The following CNOT2 variants were observed in gnomAD, a reference collection of about 807,000 sequenced individuals.
The protein encoded by CNOT2 is CC chemokine receptor 4-negative regulator of transcription 2.
A neutral mutation model predicts 72.1 loss-of-function variants in CNOT2; 7 were observed. That is an observed-to-expected ratio of 0.10 (90% confidence interval 0.06 to 0.18). The LOEUF is 0.18. CNOT2 is among the 10% of genes least tolerant of loss of function. The probability of loss-of-function intolerance (pLI) is 1.00; values close to 1 mark genes in which losing one functional copy is unlikely to be tolerated. For synonymous variants in CNOT2, 196 were observed against 225.6 expected (o/e 0.87, Z 1.17); for missense variants, 345 against 660.3 (o/e 0.52, Z 5.23).
rs1050869264 is a variant in CNOT2 at position 70,311,003 on chromosome 12, C to T, written c.157C>T (p.Arg53Trp). The change falls in exon 3 of 16, where the codon CGG becomes TGG. Residue 53 changes from arginine (R) to tryptophan (W), a missense_variant. Coordinates refer to ENST00000229195, the MANE Select transcript of CNOT2 (RefSeq NM_014515.7). ...YYSQSSMFPH[R>W]SEKDMLASPS... Reference sequence around the variant, plus strand: ...CAGCCAGTCTTCTATGTTTCCACATCGGTCAGAAAAAGATGTAAGTTAATC... The same window carrying T: ...CAGCCAGTCTTCTATGTTTCCACATTGGTCAGAAAAAGATGTAAGTTAATC... 1 of 1,598,366 alleles carries T rather than the reference C, an allele frequency of 6.3e-7. No individual in the cohort carries two copies. The highest frequency in any genetic ancestry group is 8.6e-7 in the Non-Finnish European group (1 of 1,166,600).
intron 1 of CNOT2, among the ~76,000 whole-genome samples, chr12:70,268,648 A>G (rs1330122723): frequency 1.3e-5 from 2 of 150,334 alleles, no homozygotes; most frequent in African/African-American, 2.5e-5. Context: ...TTTGGTAGTG[A>G]TGGGGTCTCA....
rs369390647 is a variant in CNOT2 at position 70,342,348 on chromosome 12, A to T, written c.1290+41A>T. On this transcript the variant is annotated intron_variant, in intron 13 of 15. Transcript: ENST00000229195. ...TATTCTACTCAGTCAGCATGAATTT[A>T]TCTATTTTTCACATGTTTTTCAGTT... 7.2e-5 allele frequency: 116 copies of T among 1,604,884 alleles called. No individual in the cohort carries two copies. The African/African-American group carries it at 1.4e-3, about 19-fold the overall frequency.
At chr12:70,306,658 C>T (rs1437697420) in intron 2 of CNOT2, among the ~76,000 whole-genome samples, 1 of 152,070 alleles carries the variant, frequency 6.6e-6, no homozygotes, top group Non-Finnish European at 1.5e-5. Context: ...AAAAGGTGGT[C>T]ACTTAACAAA....
Position 70,335,454 on chromosome 12 carries a change from G to A in CNOT2, c.666G>A (p.Val222=), listed in dbSNP as rs1318690729. ...IFNGTDGSEN[V]TGLDLSDFPA... ...ATTATTTAGACGGAAGTGAAAATGTGACAGGATTGGACCTTTCAGATTTCC... is the reference window on the plus strand; with the variant it reads ...ATTATTTAGACGGAAGTGAAAATGTAACAGGATTGGACCTTTCAGATTTCC... Residue 222 remains valine, a synonymous_variant, in exon 8 of 16, where the codon GTG becomes GTA. Coordinates refer to ENST00000229195, the MANE Select transcript of CNOT2 (RefSeq NM_014515.7). 6.2e-7 allele frequency: 1 copy of A among 1,603,410 alleles called. No individual in the cohort carries two copies.
intron 9 of CNOT2, 52 bp from the exon 10 acceptor site, chr12:70,338,391 A>G: frequency 6.7e-7 from 1 of 1,497,096 alleles, no homozygotes; most frequent in Non-Finnish European, 9.1e-7. Flanking sequence ...TGTGAACTTG[A>G]ATTTGTATAC....
At chr12:70,290,040 TC>T (rs1871612184) in intron 2 of CNOT2, among the ~76,000 whole-genome samples, 1 of 152,238 alleles carries the variant, frequency 6.6e-6, no homozygotes, top group Admixed American at 6.5e-5. Flanking sequence ...TTCTTTTTTT[TC>T]TTTTTTTTAG....
At chr12:70,340,889 C>CTT (rs55884675) in intron 11 of CNOT2, among the ~76,000 whole-genome samples, 117 of 85,636 alleles carry the variant, frequency 1.4e-3, no homozygotes, top group Middle Eastern at 0.016. Flanking sequence ...AACCCCAAAT[C>CTT]TTTTTTTTTT....
At chr12:70,338,609 T>C (rs779623473) in intron 10 of CNOT2, 46 bp downstream of exon 10, 11 of 1,597,322 alleles carry the variant, frequency 6.9e-6, no homozygotes, top group Non-Finnish European at 9.4e-6. Flanking sequence ...GAATGCTTTT[T>C]TTTCTATTTT....
In CNOT2 at chr12:70,332,862, A is replaced by G. The variant is rs948945810; in HGVS notation, c.649+16A>G. 26 of 1,576,874 alleles carry G rather than the reference A, an allele frequency of 1.6e-5. No homozygotes were observed. The highest frequency in any genetic ancestry group is 2.0e-5 in the Non-Finnish European group (23 of 1,166,516). ...AATGGAACAGGTAAGCTTATTCTGGAGCTAGTACCCTACAAAAAGTATGAT... is the reference window on the plus strand; with the variant it reads ...AATGGAACAGGTAAGCTTATTCTGGGGCTAGTACCCTACAAAAAGTATGAT... On this transcript the variant is annotated intron_variant, in intron 7 of 15. Coordinates refer to ENST00000229195, the MANE Select transcript of CNOT2 (RefSeq NM_014515.7).
chr12:70,289,075 T>C (rs1214940972), intron 2 of CNOT2, among the ~76,000 whole-genome samples: 1 of 152,012 alleles, frequency 6.6e-6, no homozygotes, highest in African/African-American at 2.4e-5. Flanking sequence ...TCCTTTTTTC[T>C]TTCTTCCCTT....
chr12:70,297,554 A>G (rs1873025596), intron 2 of CNOT2, among the ~76,000 whole-genome samples: 1 of 152,220 alleles, frequency 6.6e-6, no homozygotes, highest in African/African-American at 2.4e-5. Flanking sequence ...TAATGTCTAC[A>G]TTAGAGCTAT....
At chr12:70,286,301 A>G (rs1309024824) in intron 2 of CNOT2, among the ~76,000 whole-genome samples, 1 of 149,298 alleles carries the variant, frequency 6.7e-6, no homozygotes, top group Non-Finnish European at 1.5e-5. Context: ...ACATTTGATA[A>G]TTTCAGAATT....
At chr12:70,304,687 A>C (rs1177785094) in intron 2 of CNOT2, among the ~76,000 whole-genome samples, 4 of 151,984 alleles carry the variant, frequency 2.6e-5, no homozygotes, top group African/African-American at 9.7e-5. Flanking sequence ...TAGAACCACT[A>C]CTCTCTTCAT....
intron 8 of CNOT2, chr12:70,335,802 A>T: frequency 3.2e-6 from 1 of 317,096 alleles, no homozygotes. Flanking sequence ...GGAAGTCCTC[A>T]TTGGTATTCA....
At chr12:70,330,701 G>A (rs966219547) in intron 6 of CNOT2, 2 of 411,210 alleles carry the variant, frequency 4.9e-6, no homozygotes, top group Non-Finnish European at 8.6e-6. Context: ...GTTAGAAAAG[G>A]ATTGTTCTTG....
chr12:70,325,475 A>AAT (rs1460605544), intron 4 of CNOT2, among the ~76,000 whole-genome samples: 1 of 151,880 alleles, frequency 6.6e-6, no homozygotes, highest in African/African-American at 2.4e-5. Flanking sequence ...AAGGCATTGA[A>AAT]ATAGGAGTCA....
At chr12:70,285,138 CAT>C (rs1369785163) in intron 2 of CNOT2, among the ~76,000 whole-genome samples, 1 of 151,996 alleles carries the variant, frequency 6.6e-6, no homozygotes, top group Non-Finnish European at 1.5e-5. Context: ...AAAGTTAAGA[CAT>C]TAATGCGGAT....
chr12:70,275,508 C>G (rs765435939), intron 1 of CNOT2, among the ~76,000 whole-genome samples: 1 of 152,044 alleles, frequency 6.6e-6, no homozygotes, highest in African/African-American at 2.4e-5. Context: ...TTGACGATCT[C>G]TGTCCTGAGA....
Position 70,354,067 on chromosome 12 carries a change from A to G in CNOT2, c.*152A>G. Reference sequence around the variant, plus strand: ...CAATTGGCTTACGCAAAAGGTCACCATTTGAGGTCCTGCCTTACTAATTAT... The same window carrying G: ...CAATTGGCTTACGCAAAAGGTCACCGTTTGAGGTCCTGCCTTACTAATTAT... On this transcript the variant is annotated 3_prime_UTR_variant, in exon 16 of 16. Transcript: ENST00000229195. 7.5e-7 allele frequency: 1 copy of G among 1,335,374 alleles called. No homozygotes were observed. Among genetic ancestry groups the G allele is most frequent in the Non-Finnish European group, 9.8e-7 (1 of 1,022,030 alleles). 82.7% of individuals were successfully genotyped at this position (1,335,374 alleles called of 1,614,324 possible).
Sources: gnomAD v4.1 joint callset for allele counts (sites outside exome capture counted in the v4.1 genomes callset) on GRCh38, gnomAD v4.1.1 for gene constraint, MANE v1.5 for transcripts, NCBI Gene and HGNC (gene_info 2026-07-23, HGNC 2026-07-21) for gene names.